Variants in ADAM12 observed in about 807,000 individuals in gnomAD.
ADAM12 encodes the protein ADAM metallopeptidase domain 12.
ADAM12 carries 70 observed loss-of-function variants against 106.4 expected under a neutral mutation model. The observed-to-expected ratio is 0.66, with a 90% CI of 0.54 to 0.80. ADAM12 has a LOEUF of 0.80. ADAM12 is among the 30% of genes least tolerant of loss of function. The probability of loss-of-function intolerance (pLI) is 0.00; values close to 1 mark genes in which losing one functional copy is unlikely to be tolerated. For synonymous variants in ADAM12, 420 were observed against 433.5 expected (o/e 0.97, Z 0.39); for missense variants, 1,010 against 1,171.9 (o/e 0.86, Z 2.02).
chr10:126,359,146 C>T (rs1855651115), intron 1 of ADAM12, among the ~76,000 whole-genome samples: 1 of 152,160 alleles, frequency 6.6e-6, no homozygotes, highest in South Asian at 2.1e-4. Context: ...GAATGACCTG[C>T]ACCCATGATT....
chr10:126,148,560 T>A (rs527373761), intron 4 of ADAM12, among the ~76,000 whole-genome samples: 2 of 152,160 alleles, frequency 1.3e-5, no homozygotes, highest in Non-Finnish European at 2.9e-5. Flanking sequence ...TTCAAAGGAA[T>A]GGGGGAAGGG....
intron 2 of ADAM12, 84 bp downstream of exon 2, chr10:126,330,328 C>T (rs190626953): frequency 2.6e-6 from 3 of 1,169,692 alleles, no homozygotes; most frequent in Middle Eastern, 2.0e-4. Context: ...GTAGAGACAA[C>T]CCTTGAATGA....
chr10:126,264,293 C>A (rs1399522769), intron 3 of ADAM12, among the ~76,000 whole-genome samples: 7 of 152,146 alleles, frequency 4.6e-5, no homozygotes, highest in Non-Finnish European at 1.5e-5. Flanking sequence ...TCAAAGAAAA[C>A]CACGAAACTG....
At chr10:126,310,270 A>T (rs528156717) in intron 2 of ADAM12, among the ~76,000 whole-genome samples, 1 of 152,272 alleles carries the variant, frequency 6.6e-6, no homozygotes, top group Non-Finnish European at 1.5e-5. Context: ...GGAGTTGCAT[A>T]CATTTAGAAG....
rs577609392 is a variant in ADAM12 at position 126,336,589 on chromosome 10, T to C, written c.89-6080A>G. On this transcript the variant is annotated intron_variant, in intron 1 of 22. Transcript: ENST00000448723. The stretch of plus-strand genomic sequence containing the variant: ...CTTCTGAGTACTCTCCAGCATACTC[T>C]AGAAAACACAGAAACGGCAAGTTGA... 3.9e-5 allele frequency among the ~76,000 whole-genome samples: 6 copies of C among 152,288 alleles called. No homozygotes were observed. The East Asian group carries it at 7.7e-4, about 20-fold the overall frequency.
intron 14 of ADAM12, among the ~76,000 whole-genome samples, chr10:126,058,951 C>T (rs1458914803): frequency 6.6e-6 from 1 of 152,138 alleles, no homozygotes; most frequent in East Asian, 1.9e-4. Context: ...CTTATCACTA[C>T]CATATTACAT....
At chr10:126,381,663 T>C (rs1856497207) in intron 1 of ADAM12, among the ~76,000 whole-genome samples, 1 of 152,042 alleles carries the variant, frequency 6.6e-6, no homozygotes, top group South Asian at 2.1e-4. Context: ...CCCTGGCTAA[T>C]TTTTGTATCT....
chr10:126,322,736 A>T (rs1400251709), intron 2 of ADAM12, among the ~76,000 whole-genome samples: 12 of 152,228 alleles, frequency 7.9e-5, no homozygotes, highest in African/African-American at 2.9e-4. Flanking sequence ...GACAAGCCCA[A>T]CGCCACACAG....
intron 2 of ADAM12, among the ~76,000 whole-genome samples, chr10:126,304,583 T>C (rs1235285777): frequency 1.3e-5 from 2 of 152,140 alleles, no homozygotes; most frequent in South Asian, 2.1e-4. Flanking sequence ...CAGTAAATGA[T>C]ATATTATAGA....
intron 3 of ADAM12, among the ~76,000 whole-genome samples, chr10:126,274,042 C>T (rs964332408): frequency 6.6e-6 from 1 of 152,172 alleles, no homozygotes; most frequent in African/African-American, 2.4e-5. Context: ...TTTCTCACCC[C>T]ACCCAAGTGA....
intron 2 of ADAM12, among the ~76,000 whole-genome samples, chr10:126,281,561 G>A (rs1309330370): frequency 6.6e-6 from 1 of 152,122 alleles, no homozygotes; most frequent in African/African-American, 2.4e-5. Context: ...ATTAGTTGAG[G>A]TATGACTAGT....
At chr10:126,113,031 G>C (rs759702545) in intron 6 of ADAM12, among the ~76,000 whole-genome samples, 8 of 152,208 alleles carry the variant, frequency 5.3e-5, no homozygotes, top group Non-Finnish European at 1.0e-4. Context: ...TCTGTGAAAA[G>C]TACAACAAAG....
intron 3 of ADAM12, among the ~76,000 whole-genome samples, chr10:126,277,538 CA>C (rs1375119180): frequency 6.6e-6 from 1 of 152,014 alleles, no homozygotes; most frequent in Non-Finnish European, 1.5e-5. Context: ...TTTTCAAAAC[CA>C]TACCTAAAAA....
At chr10:126,312,430 T>C (rs1038917888) in intron 2 of ADAM12, among the ~76,000 whole-genome samples, 1 of 152,092 alleles carries the variant, frequency 6.6e-6, no homozygotes, top group African/African-American at 2.4e-5. Flanking sequence ...TGTGACTTAA[T>C]TTAGGTAGTT....
At chr10:126,347,339 G>A (rs1441534480) in intron 1 of ADAM12, among the ~76,000 whole-genome samples, 1 of 152,172 alleles carries the variant, frequency 6.6e-6, no homozygotes, top group African/African-American at 2.4e-5. Context: ...TAAGAATGTT[G>A]AATATCGGCC....
At chr10:126,144,826 G>A (rs979501710) in intron 4 of ADAM12, among the ~76,000 whole-genome samples, 7 of 152,300 alleles carry the variant, frequency 4.6e-5, no homozygotes, top group African/African-American at 1.7e-4. Flanking sequence ...GCCATGGCTG[G>A]CTCACTTCCC....
At chr10:126,099,968 T>TAGATTGTTGTA (rs138946295) in intron 9 of ADAM12, among the ~76,000 whole-genome samples, 15,693 of 152,114 alleles carry the variant, frequency 0.1, 2,110 homozygotes, top group African/African-American at 0.31. Context: ...CATACTAATT[T>TAGATTGTTGTA]AGATTGTTCC....
intron 2 of ADAM12, among the ~76,000 whole-genome samples, chr10:126,294,100 T>C (rs140675052): frequency 4.4e-4 from 67 of 152,332 alleles, no homozygotes; most frequent in African/African-American, 1.6e-3. Context: ...ACTGTATTAA[T>C]GCCTCATAAA....
chr10:126,046,069 A>G lies in ADAM12; in HGVS notation c.1981T>C (p.Cys661Arg). 6.2e-7 allele frequency: 1 copy of G among 1,614,178 alleles called. No homozygotes were observed. The highest frequency in any genetic ancestry group is 8.5e-7 in the Non-Finnish European group (1 of 1,179,994). ...VFGVHECAMQCHGRGVCNNRK... is the reference protein window; with the variant it reads ...VFGVHECAMQRHGRGVCNNRK... ...AGCCTACTCACCCCTCTGCCGTGGC[A>G]CTGCATTGCACACTCGTGAACCCCA... The change falls in exon 17 of 23, where the codon TGC (cysteine) becomes CGC (arginine). Residue 661 changes from cysteine (C) to arginine (R), a missense_variant. Transcript: ENST00000448723.
Sources: allele counts gnomAD v4.1 joint callset (sites outside exome capture counted in the v4.1 genomes callset), GRCh38; gene constraint gnomAD v4.1.1; transcripts MANE v1.5; gene names NCBI Gene and HGNC (gene_info 2026-07-23, HGNC 2026-07-21).